PIBF1: variants seen among roughly 807,000 people sequenced by gnomAD.
PIBF1 encodes progesterone-induced-blocking factor 1.
A neutral mutation model predicts 112.5 loss-of-function variants in PIBF1; 90 were observed. That is an observed-to-expected ratio of 0.80 (90% CI 0.67 to 0.95). The LOEUF (loss-of-function observed/expected upper bound fraction) is 0.95. Ranked by LOEUF, PIBF1 falls within the 40% of genes least tolerant of loss-of-function variation. The pLI is 0.00. For missense variants in PIBF1, 915 were observed against 852.3 expected (o/e 1.07, Z -0.92); for synonymous variants, 301 against 288.6 (o/e 1.04, Z -0.44).
chr13:72,987,785 T>C (rs1184788037), intron 16 of PIBF1, among the ~76,000 whole-genome samples: 1 of 149,486 alleles, frequency 6.7e-6, no homozygotes, highest in East Asian at 1.9e-4. Context: ...GTGCTGGGAT[T>C]ATAAGCATGA....
intron 10 of PIBF1, among the ~76,000 whole-genome samples, chr13:72,877,784 T>C (rs2039468701): frequency 6.6e-6 from 1 of 151,644 alleles, no homozygotes. Context: ...AGTTTTGCTC[T>C]TGTTGTGCAG....
At position 72,900,497 on chromosome 13, in the gene PIBF1, G is replaced by A. The variant is rs9573058; in HGVS notation, c.1488+6548G>A. Among the ~76,000 whole-genome samples the A allele has an allele frequency of 8.5e-5, 13 of 152,268 alleles. No individual in the cohort carries two copies. The East Asian group carries it at 2.3e-3, about 27-fold the overall frequency. Reference sequence around the variant, plus strand: ...GACAAAGCAAACAAAAACAAAGTGGGGAAAGGACACCCTTTTCAATAAATG... The same window carrying A: ...GACAAAGCAAACAAAAACAAAGTGGAGAAAGGACACCCTTTTCAATAAATG... On this transcript the variant is annotated intron_variant, in intron 11 of 17. Coordinates refer to ENST00000326291, the MANE Select transcript of PIBF1 (RefSeq NM_006346.4).
chr13:72,795,649 A>G (rs1288535323), intron 4 of PIBF1, 92 bp downstream of exon 4: 9 of 756,342 alleles, frequency 1.2e-5, no homozygotes, highest in Non-Finnish European at 6.6e-6. Context: ...GAAGTACCCA[A>G]TTGATACATT....
intron 14 of PIBF1, among the ~76,000 whole-genome samples, chr13:72,954,704 G>A (rs911797771): frequency 1.3e-5 from 2 of 152,190 alleles, no homozygotes; most frequent in African/African-American, 4.8e-5. Context: ...TTATGCTCTG[G>A]AGATTCAGAG....
intron 13 of PIBF1, among the ~76,000 whole-genome samples, chr13:72,925,569 G>A (rs1345633592): frequency 2.6e-5 from 3 of 115,488 alleles, no homozygotes; most frequent in African/African-American, 3.7e-5. Context: ...TTTTTGAGAC[G>A]GAGTCTCTGT....
chr13:72,844,754 C>CTT lies in PIBF1; in HGVS notation c.1224-9303_1224-9302insTT. On this transcript the variant is annotated intron_variant, in intron 9 of 17. Transcript: ENST00000326291. ...ACACACACACACACACACACACACACACACACACACACACACACACACACA... is the reference window on the plus strand; with the variant it reads ...ACACACACACACACACACACACACACTTACACACACACACACACACACACACA... Among the ~76,000 whole-genome samples the CTT allele has an allele frequency of 2.0e-5, 2 of 102,194 alleles. 1 individual carries two copies. Among genetic ancestry groups the CTT allele is most frequent in the South Asian group, 7.4e-4 (2 of 2,714 alleles). 67.0% of individuals were successfully genotyped at this position (102,194 alleles called of 152,430 possible). A position where few individuals can be genotyped will look rare whatever the true frequency, so the allele number is the denominator to read the frequency against.
chr13:72,952,035 C>CTTTTTTTTTTTTTTTTTTTTT (rs67211238), intron 14 of PIBF1, among the ~76,000 whole-genome samples: 2 of 123,000 alleles, frequency 1.6e-5, no homozygotes, highest in Non-Finnish European at 1.7e-5. Flanking sequence ...TTTCTTTTCT[C>CTTTTTTTTTTTTTTTTTTTTT]TTTTTTTTTT....
chr13:72,858,174 CCT>C (rs2038529778), intron 10 of PIBF1, among the ~76,000 whole-genome samples: 2 of 151,918 alleles, frequency 1.3e-5, no homozygotes, highest in South Asian at 2.1e-4. Flanking sequence ...GCTTCAGCCC[CCT>C]GAGTAGCTGG....
At chr13:72,913,914 G>A (rs1010295859) in intron 12 of PIBF1, among the ~76,000 whole-genome samples, 2 of 152,114 alleles carry the variant, frequency 1.3e-5, no homozygotes, top group African/African-American at 4.8e-5. Flanking sequence ...AAATAAAATA[G>A]ATTTACCTGT....
At chr13:72,994,658 A>G (rs1037565921) in intron 16 of PIBF1, among the ~76,000 whole-genome samples, 1 of 152,206 alleles carries the variant, frequency 6.6e-6, no homozygotes, top group Admixed American at 6.5e-5. Context: ...TGAGATGCCA[A>G]ACTCAAATGC....
chr13:72,944,741 A>G (rs1439816492), intron 14 of PIBF1, among the ~76,000 whole-genome samples: 1 of 152,056 alleles, frequency 6.6e-6, no homozygotes, highest in Non-Finnish European at 1.5e-5. Context: ...TCAGGGGTAC[A>G]TGGGCAGGTT....
intron 10 of PIBF1, among the ~76,000 whole-genome samples, chr13:72,885,114 C>CT (rs2039792730): frequency 6.6e-6 from 1 of 152,074 alleles, no homozygotes; most frequent in Non-Finnish European, 1.5e-5. Context: ...CTTTTGCTCC[C>CT]TTTTTTGCAT....
At chr13:72,864,570 T>C (rs979935163) in intron 10 of PIBF1, among the ~76,000 whole-genome samples, 5 of 152,164 alleles carry the variant, frequency 3.3e-5, no homozygotes, top group Non-Finnish European at 7.3e-5. Flanking sequence ...TGTGTGTGTG[T>C]TCATACAGCT....
chr13:72,794,557 A>G (rs1253175183), intron 3 of PIBF1, among the ~76,000 whole-genome samples: 2 of 152,144 alleles, frequency 1.3e-5, no homozygotes, highest in Non-Finnish European at 2.9e-5. Context: ...GATGGGAGGT[A>G]ACTGAATCAT....
At chr13:72,850,266 C>T (rs138484689) in intron 9 of PIBF1, among the ~76,000 whole-genome samples, 1 of 152,302 alleles carries the variant, frequency 6.6e-6, no homozygotes, top group East Asian at 1.9e-4. Context: ...TTTTCTCTTT[C>T]TGAATTGCTT....
chr13:72,821,150 CAT>C (rs2036540758), intron 5 of PIBF1, among the ~76,000 whole-genome samples: 2 of 152,102 alleles, frequency 1.3e-5, no homozygotes, highest in African/African-American at 4.8e-5. Context: ...TTCAGATCTC[CAT>C]TAGGGTTGGA....
intron 5 of PIBF1, among the ~76,000 whole-genome samples, chr13:72,816,309 A>G (rs12874868): frequency 0.084 from 12,801 of 152,246 alleles, 746 homozygotes; most frequent in South Asian, 0.2. Context: ...TGTTATTCCA[A>G]TCTAGGGTCC....
chr13:72,824,868 T>G, intron 6 of PIBF1, among the ~76,000 whole-genome samples: 1 of 152,190 alleles, frequency 6.6e-6, no homozygotes, highest in East Asian at 1.9e-4. Flanking sequence ...TCAGTACATC[T>G]TCACATAACA....
rs143703925 is a variant in PIBF1, at chr13:72,897,771, G to A, written c.1488+3822G>A. Among the ~76,000 whole-genome samples, 1,215 of 152,038 alleles carry A rather than the reference G, an allele frequency of 8.0e-3. 9 individuals are homozygous for A. Among genetic ancestry groups the A allele is most frequent in the Non-Finnish European group, 0.011 (752 of 67,898 alleles). The stretch of plus-strand genomic sequence containing the variant: ...TGTCCAACAGGAAAATATCACAATG[G>A]ACCTAACACTGGAGCTCCCAAATTT... On this transcript the variant is annotated intron_variant, in intron 11 of 17. Transcript: ENST00000326291.
Sources: gnomAD v4.1 joint callset for allele counts (sites outside exome capture counted in the v4.1 genomes callset) on GRCh38, gnomAD v4.1.1 for gene constraint, MANE v1.5 for transcripts, NCBI Gene and HGNC (gene_info 2026-07-23, HGNC 2026-07-21) for gene names.